TMEM131: variants seen among roughly 807,000 people sequenced by gnomAD.
TMEM131 encodes the protein transmembrane protein 131.
A neutral mutation model predicts 211.6 loss-of-function variants in TMEM131; 66 were observed. The observed-to-expected ratio is 0.31, with a 90% confidence interval of 0.26 to 0.38. The LOEUF is 0.38. Ranked by LOEUF, TMEM131 falls within the 10% of genes least tolerant of loss-of-function variation. The probability of loss-of-function intolerance (pLI) is 1.00; values close to 1 mark genes in which losing one functional copy is unlikely to be tolerated. For missense variants in TMEM131, 2,036 were observed against 2,299.3 expected, an observed-to-expected ratio of 0.89 and a Z score of 2.34; for synonymous variants, 844 against 841.3, an observed-to-expected ratio of 1.00 and a Z score of -0.06.
intron 17 of TMEM131, among the ~76,000 whole-genome samples, chr2:97,812,026 T>C (rs545178838): frequency 6.6e-6 from 1 of 152,348 alleles, no homozygotes; most frequent in Admixed American, 6.5e-5. Context: ...TGAGGCAGTA[T>C]CTGGACAGAC....
intron 3 of TMEM131, among the ~76,000 whole-genome samples, chr2:97,891,888 C>T (rs1391743848): frequency 1.3e-5 from 2 of 152,042 alleles, no homozygotes; most frequent in African/African-American, 4.8e-5. Context: ...TTTTAAGCAC[C>T]CTCACATTTA....
Position 97,888,135 on chromosome 2 carries a change from A to C in TMEM131, c.291-15T>G. On this transcript the variant is annotated splice_polypyrimidine_tract_variant and intron_variant, in intron 3 of 40. Coordinates refer to ENST00000186436, the MANE Select transcript of TMEM131 (RefSeq NM_015348.2). ...AGAGAGATATACTGTAAATAAAAAG[A>C]AAACAACATAAGAAGCAATTCTTCA... The C allele has an allele frequency of 6.2e-7, 1 of 1,602,958 alleles. No homozygotes were observed. Among genetic ancestry groups the C allele is most frequent in the Non-Finnish European group, 8.5e-7 (1 of 1,171,666 alleles).
chr2:97,769,352 G>C, intron 33 of TMEM131, among the ~76,000 whole-genome samples: 1 of 152,134 alleles, frequency 6.6e-6, no homozygotes, highest in Middle Eastern at 3.4e-3. Flanking sequence ...AATATTCTGA[G>C]ATTTCGTATT....
chr2:97,793,560 G>A lies in TMEM131; in HGVS notation c.3387-7C>T. ...GACCAAAAGAAACAGTGCACTGCAG[G>A]GGTAAAAAAAATTGGAAAATCAGGA... On this transcript the variant is annotated splice_region_variant and splice_polypyrimidine_tract_variant and intron_variant, in intron 29 of 40. Coordinates refer to ENST00000186436, the MANE Select transcript of TMEM131 (RefSeq NM_015348.2). 3.1e-6 allele frequency: 5 copies of A among 1,588,434 alleles called. No individual in the cohort carries two copies. Among genetic ancestry groups the A allele is most frequent in the East Asian group, 2.2e-5 (1 of 44,462 alleles).
intron 25 of TMEM131, among the ~76,000 whole-genome samples, chr2:97,798,146 G>A (rs1234533591): frequency 1.3e-5 from 2 of 152,212 alleles, no homozygotes; most frequent in Non-Finnish European, 2.9e-5. Flanking sequence ...AACACCCAAT[G>A]ATTTAAAGTT....
chr2:97,992,990 AG>A (rs1435968897), intron 1 of TMEM131, among the ~76,000 whole-genome samples: 2 of 152,224 alleles, frequency 1.3e-5, no homozygotes, highest in Non-Finnish European at 2.9e-5. Context: ...TAAGTCATAT[AG>A]GATGTTAAGA....
chr2:97,887,943 C>T (rs1675227614), intron 4 of TMEM131, 109 bp downstream of exon 4: 2 of 815,978 alleles, frequency 2.5e-6, no homozygotes, highest in Non-Finnish European at 3.9e-6. Context: ...ATGACTAGAA[C>T]ATGTAACTTT....
At chr2:97,994,438 C>T (rs1680400063) in intron 1 of TMEM131, among the ~76,000 whole-genome samples, 1 of 152,154 alleles carries the variant, frequency 6.6e-6, no homozygotes, top group African/African-American at 2.4e-5. Context: ...CACTTTAATA[C>T]TAATTTGGTT....
chr2:97,874,043 C>T (rs1030319136), intron 4 of TMEM131, among the ~76,000 whole-genome samples: 1 of 152,108 alleles, frequency 6.6e-6, no homozygotes, highest in Non-Finnish European at 1.5e-5. Context: ...CCCGATGGAG[C>T]TGAAAAATAC....
intron 19 of TMEM131, among the ~76,000 whole-genome samples, chr2:97,808,800 T>A (rs1039965361): frequency 1.3e-5 from 2 of 152,096 alleles, no homozygotes. Flanking sequence ...GGATCACACA[T>A]GAAACAACCA....
intron 1 of TMEM131, among the ~76,000 whole-genome samples, chr2:97,935,895 A>T (rs570752526): frequency 6.6e-6 from 1 of 152,342 alleles, no homozygotes; most frequent in East Asian, 1.9e-4. Context: ...TAACTTTTCT[A>T]TTCTCATTCT....
intron 5 of TMEM131, among the ~76,000 whole-genome samples, chr2:97,848,605 T>C (rs749000760): frequency 1.8e-4 from 28 of 152,206 alleles, no homozygotes; most frequent in Non-Finnish European, 3.4e-4. Flanking sequence ...AGAAAAGTCT[T>C]GTTCAGTACA....
chr2:97,795,184 G>T, intron 28 of TMEM131, 69 bp from the exon 29 acceptor site: 1 of 1,106,082 alleles, frequency 9.0e-7, no homozygotes. Flanking sequence ...ATATAATACT[G>T]GTCCTATAAG....
intron 3 of TMEM131, among the ~76,000 whole-genome samples, chr2:97,906,050 T>C (rs1322270974): frequency 6.6e-6 from 1 of 152,202 alleles, no homozygotes; most frequent in Non-Finnish European, 1.5e-5. Context: ...AAACGGATGC[T>C]GTAAGCCTCT....
chr2:97,784,634 T>C (rs535776643), intron 31 of TMEM131, among the ~76,000 whole-genome samples: 1 of 151,770 alleles, frequency 6.6e-6, no homozygotes, highest in East Asian at 1.9e-4. Flanking sequence ...ACTAAAAGCA[T>C]ACATAAAACG....
At chr2:97,874,684 T>C (rs1204612500) in intron 4 of TMEM131, among the ~76,000 whole-genome samples, 1 of 152,362 alleles carries the variant, frequency 6.6e-6, no homozygotes, top group East Asian at 1.9e-4. Context: ...TGAGATATTC[T>C]GTCACCACCA....
chr2:97,770,122 A>C (rs1679394147), intron 33 of TMEM131, among the ~76,000 whole-genome samples: 1 of 152,246 alleles, frequency 6.6e-6, no homozygotes. Flanking sequence ...GAATTTCAGG[A>C]ATCACTAAAG....
At chr2:97,934,404 T>C (rs1171064287) in intron 1 of TMEM131, among the ~76,000 whole-genome samples, 1 of 152,150 alleles carries the variant, frequency 6.6e-6, no homozygotes, top group Non-Finnish European at 1.5e-5. Context: ...ACACACTATA[T>C]TCATGGATTA....
Position 97,766,275 on chromosome 2 carries a change from T to C in TMEM131, c.4574-12A>G. The stretch of plus-strand genomic sequence containing the variant: ...TAACTTACTTGTACCTGCACAAAAA[T>C]CAGAAAAGAACATGGTTAATGGAGA... On this transcript the variant is annotated splice_polypyrimidine_tract_variant and intron_variant, in intron 34 of 40. Coordinates refer to ENST00000186436, the MANE Select transcript of TMEM131 (RefSeq NM_015348.2). The C allele has an allele frequency of 6.2e-7, 1 of 1,613,942 alleles. No homozygotes were observed. Among genetic ancestry groups the C allele is most frequent in the Non-Finnish European group, 8.5e-7 (1 of 1,179,858 alleles).
Sources: allele counts gnomAD v4.1 joint callset (sites outside exome capture counted in the v4.1 genomes callset), GRCh38; gene constraint gnomAD v4.1.1; transcripts MANE v1.5; gene names NCBI Gene and HGNC (gene_info 2026-07-23, HGNC 2026-07-21).